Variants in TRIM48 observed in about 807,000 individuals in gnomAD.
The protein encoded by TRIM48 is tripartite motif containing 48.
In TRIM48, 31 loss-of-function variants were observed where a neutral mutation model predicts 29.5. The ratio of observed to expected loss-of-function variants is 1.05; its 90% CI spans 0.79 to 1.42. TRIM48 has a LOEUF of 1.42. Among genes scored for constraint, TRIM48 ranks in the 40% most tolerant of loss-of-function variants. TRIM48 has a pLI of 0.00. For synonymous variants in TRIM48, 128 were observed against 90.6 expected (o/e 1.41, Z -2.34); for missense variants, 344 against 265.0 (o/e 1.30, Z -2.07).
rs1158868407 is a variant in TRIM48, at chr11:55,265,959, C to A, written c.555+264C>A. ...ACCTGTAGCTATACACCAACAGATA[C>A]AAGAAACTGGGCCATCTCACAGCAT... On this transcript the variant is annotated intron_variant, in intron 3 of 5. Transcript: ENST00000417545. Among the ~76,000 whole-genome samples the A allele has an allele frequency of 6.8e-5, 10 of 147,520 alleles. 2 individuals are homozygous for A. In the Admixed American group the frequency reaches 6.9e-4, roughly 10 times the overall value.
At chr11:55,266,477 C>T (rs1857394321) in intron 3 of TRIM48, among the ~76,000 whole-genome samples, 1 of 147,326 alleles carries the variant, frequency 6.8e-6, no homozygotes, top group Admixed American at 6.9e-5. Context: ...CATCTTTGTC[C>T]TCACAAATCG....
chr11:55,266,772 GTC>G (rs1262991917), intron 3 of TRIM48, among the ~76,000 whole-genome samples: 1 of 147,766 alleles, frequency 6.8e-6, no homozygotes, highest in African/African-American at 2.5e-5. Flanking sequence ...GTGTGTGTGT[GTC>G]TGTGTGTAAA....
In TRIM48 at chr11:55,262,189, G is replaced by T; in HGVS notation, c.-79G>T. On this transcript the variant is annotated 5_prime_UTR_variant, in exon 1 of 6. Coordinates refer to ENST00000417545, the MANE Select transcript of TRIM48 (RefSeq NM_024114.5). ...CAAAGGAGAAGGAGTGCACTTAGAG[G>T]GAGCTGTGTTTTGGTGACCTCTGAA... 9.1e-7 allele frequency: 1 copy of T among 1,094,208 alleles called. No individual in the cohort carries two copies. The highest frequency in any genetic ancestry group is 1.4e-6 in the Non-Finnish European group (1 of 731,706). 67.8% of individuals were successfully genotyped at this position (1,094,208 alleles called of 1,614,324 possible).
chr11:55,268,119 T>A (rs1857421259), intron 3 of TRIM48, among the ~76,000 whole-genome samples: 1 of 147,586 alleles, frequency 6.8e-6, no homozygotes, highest in African/African-American at 2.5e-5. Flanking sequence ...GGGCTTCTTC[T>A]CCCTTCACTT....
intron 5 of TRIM48, 34 bp from the exon 6 acceptor site, chr11:55,270,403 T>G: frequency 7.1e-7 from 1 of 1,411,538 alleles, no homozygotes; most frequent in Non-Finnish European, 9.5e-7. Flanking sequence ...TCTTTCTTTC[T>G]TTCTTTCTAT....
chr11:55,269,338 A>C lies in TRIM48; in HGVS notation c.675A>C (p.Ter225CysextTer167). Residue 225 changes from the stop codon to cysteine (C), a stop_lost and splice_region_variant, in exon 5 of 6, where the codon TGA becomes TGC. Coordinates refer to ENST00000417545, the MANE Select transcript of TRIM48 (RefSeq NM_024114.5). Reference sequence around the variant, plus strand: ...TGAGGGACAGGCTCAACCAATTCTGAGGTAAGTCTCCACCCACAGGCAGCA... The same window carrying C: ...TGAGGGACAGGCTCAACCAATTCTGCGGTAAGTCTCCACCCACAGGCAGCA... The part of the protein sequence containing the change: ...TGLRDRLNQF[*>C] 6.4e-7 allele frequency: 1 copy of C among 1,574,254 alleles called. No homozygotes were observed. The highest frequency in any genetic ancestry group is 8.6e-7 in the Non-Finnish European group (1 of 1,165,802).
Position 55,264,931 on chromosome 11 carries a change from C to A in TRIM48, c.76C>A (p.Gln26Lys). Reference protein sequence around the residue: ...NMNSGISQVFQRELTCPICMN... With the variant: ...NMNSGISQVFKRELTCPICMN... Reference sequence around the variant, plus strand: ...GAATTCTGGAATCTCGCAAGTCTTCCAGAGGGAACTCACCTGCCCCATCTG... The same window carrying A: ...GAATTCTGGAATCTCGCAAGTCTTCAAGAGGGAACTCACCTGCCCCATCTG... Residue 26 changes from glutamine (Q) to lysine (K), a missense_variant, in exon 2 of 6, where the codon CAG becomes AAG. Coordinates refer to ENST00000417545, the MANE Select transcript of TRIM48 (RefSeq NM_024114.5). 1 of 1,583,684 alleles carries A rather than the reference C, an allele frequency of 6.3e-7. No homozygotes were observed. Among genetic ancestry groups the A allele is most frequent in the Non-Finnish European group, 8.6e-7 (1 of 1,166,154 alleles).
rs1339421359 is a variant in TRIM48 at position 55,271,114 on chromosome 11, A to T, written c.*679A>T. 7.7e-6 allele frequency: 6 copies of T among 774,464 alleles called. No homozygotes were observed. Among genetic ancestry groups the T allele is most frequent in the Non-Finnish European group, 1.1e-5 (6 of 540,482 alleles). 48.0% of individuals were successfully genotyped at this position (774,464 alleles called of 1,614,324 possible). A position where few individuals can be genotyped will look rare whatever the true frequency, so the allele number is the denominator to read the frequency against. On this transcript the variant is annotated 3_prime_UTR_variant, in exon 6 of 6. Coordinates refer to ENST00000417545, the MANE Select transcript of TRIM48 (RefSeq NM_024114.5). ...TATTAAATGTAGTAAAAACACTAAAAGTATATATATTGGTTCTTTATTAAT... is the reference window on the plus strand; with the variant it reads ...TATTAAATGTAGTAAAAACACTAAATGTATATATATTGGTTCTTTATTAAT...
Position 55,266,522 on chromosome 11 carries a change from A to G in TRIM48, c.555+827A>G, listed in dbSNP as rs1410933047. 2.0e-5 allele frequency among the ~76,000 whole-genome samples: 3 copies of G among 147,584 alleles called. 1 individual carries two copies. The highest frequency in any genetic ancestry group is 4.5e-5 in the Non-Finnish European group (3 of 66,868). On this transcript the variant is annotated intron_variant, in intron 3 of 5. Transcript: ENST00000417545. Reference sequence around the variant, plus strand: ...AATGAGAGAGGCAAAAATGGTCAACATGCAAATATGTGCAATACATGATGT... The same window carrying G: ...AATGAGAGAGGCAAAAATGGTCAACGTGCAAATATGTGCAATACATGATGT...
In TRIM48 at chr11:55,267,345, G is replaced by A. The variant is rs1329036712; in HGVS notation, c.556-1005G>A. Reference sequence around the variant, plus strand: ...GATGTTCGAGAGACAAAAGGAATCAGTGAGATTTAATAGGAGATGGATATA... The same window carrying A: ...GATGTTCGAGAGACAAAAGGAATCAATGAGATTTAATAGGAGATGGATATA... On this transcript the variant is annotated intron_variant, in intron 3 of 5. Coordinates refer to ENST00000417545, the MANE Select transcript of TRIM48 (RefSeq NM_024114.5). The A allele has an allele frequency of 1.3e-5, 20 of 1,483,850 alleles. 2 individuals are homozygous for A. The highest frequency in any genetic ancestry group is 4.9e-4 in the Middle Eastern group (2 of 4,042). 91.9% of individuals were successfully genotyped at this position (1,483,850 alleles called of 1,614,324 possible).
Position 55,265,700 on chromosome 11 carries a change from G to A in TRIM48, c.555+5G>A. 6.3e-7 allele frequency: 1 copy of A among 1,575,032 alleles called. No homozygotes were observed. The highest frequency in any genetic ancestry group is 8.6e-7 in the Non-Finnish European group (1 of 1,161,548). On this transcript the variant is annotated splice_donor_5th_base_variant and intron_variant, in intron 3 of 5. Transcript: ENST00000417545. The stretch of plus-strand genomic sequence containing the variant: ...ACCAGAATCAGCCACTGGAAGGTTA[G>A]TCCTGTAATACCCTACCTTCTCCAG...
intron 4 of TRIM48, 114 bp downstream of exon 4, chr11:55,268,486 C>A (rs1381139622): frequency 9.9e-7 from 1 of 1,011,508 alleles, no homozygotes; most frequent in South Asian, 1.7e-5. Context: ...TTTTTTTTTG[C>A]ATCTTCTTTC....
rs964499478 is a variant in TRIM48 at position 55,269,745 on chromosome 11, G to GT, written c.*1+412dup. Among the ~76,000 whole-genome samples, 10 of 147,528 alleles carry GT rather than the reference G, an allele frequency of 6.8e-5. 1 individual carries two copies. Among genetic ancestry groups the GT allele is most frequent in the South Asian group, 4.9e-4 (2 of 4,064 alleles). ...ATATAGTTCGCTGGAGATTCTTGGG[G>GT]TTTTTTAATTTTTTAAATGGATATA... On this transcript the variant is annotated intron_variant, in intron 5 of 5. Coordinates refer to ENST00000417545, the MANE Select transcript of TRIM48 (RefSeq NM_024114.5).
At position 55,268,456 on chromosome 11, in the gene TRIM48, C is replaced by G. The variant is rs551084259; in HGVS notation, c.578+84C>G. ...GGCTCTACCAAAGTCATGGCATAAA[C>G]GATTAAGATATTGATACTATTTTTT... On this transcript the variant is annotated intron_variant, in intron 4 of 5. Coordinates refer to ENST00000417545, the MANE Select transcript of TRIM48 (RefSeq NM_024114.5). 9.1e-6 allele frequency: 12 copies of G among 1,319,444 alleles called. 3 individuals carry two copies. The highest frequency in any genetic ancestry group is 1.2e-5 in the Non-Finnish European group (11 of 949,036). 81.7% of individuals were successfully genotyped at this position (1,319,444 alleles called of 1,614,324 possible). A position where few individuals can be genotyped will look rare whatever the true frequency, so the allele number is the denominator to read the frequency against.
chr11:55,262,420 G>A (rs1857316806), intron 1 of TRIM48, 109 bp downstream of exon 1: 3 of 789,332 alleles, frequency 3.8e-6, no homozygotes, highest in East Asian at 5.5e-5. Flanking sequence ...GATACCATCT[G>A]TAATTCATAT....
In TRIM48 at chr11:55,266,721, G is replaced by T. The variant is rs1282840775; in HGVS notation, c.555+1026G>T. Among the ~76,000 whole-genome samples, 7 of 147,600 alleles carry T rather than the reference G, an allele frequency of 4.7e-5. 1 individual carries two copies. Among genetic ancestry groups the T allele is most frequent in the African/African-American group, 1.7e-4 (7 of 40,370 alleles). ...TTCAAAGAGGAAGGGGAGCACAAAA[G>T]TGTGTATGGATATATATGTGGACCA... On this transcript the variant is annotated intron_variant, in intron 3 of 5. Coordinates refer to ENST00000417545, the MANE Select transcript of TRIM48 (RefSeq NM_024114.5).
In TRIM48 at chr11:55,269,420, T is replaced by A. The variant is rs1467847445; in HGVS notation, c.*1+81T>A. Reference sequence around the variant, plus strand: ...ATCACATAGGTAATATTTCATCCTTTATCAAATATTTTACTACTTTATAAG... The same window carrying A: ...ATCACATAGGTAATATTTCATCCTTAATCAAATATTTTACTACTTTATAAG... On this transcript the variant is annotated intron_variant, in intron 5 of 5. Transcript: ENST00000417545. 7.4e-6 allele frequency: 11 copies of A among 1,490,584 alleles called. 3 individuals are homozygous for A. The highest frequency in any genetic ancestry group is 9.9e-6 in the Non-Finnish European group (11 of 1,109,286). 92.3% of individuals were successfully genotyped at this position (1,490,584 alleles called of 1,614,324 possible).
At chr11:55,263,134 G>A (rs1857330391) in intron 1 of TRIM48, among the ~76,000 whole-genome samples, 1 of 151,994 alleles carries the variant, frequency 6.6e-6, no homozygotes, top group African/African-American at 2.4e-5. Flanking sequence ...CACACATGGT[G>A]GTCACATAAG....
intron 1 of TRIM48, among the ~76,000 whole-genome samples, chr11:55,263,319 A>G (rs2078059516): frequency 6.6e-6 from 1 of 152,034 alleles, no homozygotes; most frequent in Non-Finnish European, 1.5e-5. Flanking sequence ...AGGCTATACC[A>G]TCTAGGTTTG....
Sources: allele counts gnomAD v4.1 joint callset (sites outside exome capture counted in the v4.1 genomes callset), GRCh38; gene constraint gnomAD v4.1.1; transcripts MANE v1.5; gene names NCBI Gene and HGNC (gene_info 2026-07-23, HGNC 2026-07-21).